CATSPERE: variants seen among roughly 807,000 people sequenced by gnomAD.
CATSPERE encodes cation channel sperm-associated auxiliary subunit epsilon.
In CATSPERE, 93 loss-of-function variants were observed where a neutral mutation model predicts 114.1. The ratio of observed to expected loss-of-function variants is 0.81; its 90% confidence interval spans 0.69 to 0.97. The LOEUF is 0.97. Among genes scored for constraint, CATSPERE ranks in the 50% least tolerant of loss-of-function variants. The probability of loss-of-function intolerance (pLI) is 0.00; values close to 1 mark genes in which losing one functional copy is unlikely to be tolerated. For synonymous variants in CATSPERE, 341 were observed against 384.1 expected (o/e 0.89, Z 1.31); for missense variants, 1,058 against 1,131.6 (o/e 0.93, Z 0.93).
chr1:244,553,187 G>A (rs1051335689), intron 9 of CATSPERE, among the ~76,000 whole-genome samples: 1 of 152,096 alleles, frequency 6.6e-6, no homozygotes, highest in East Asian at 1.9e-4. Flanking sequence ...CAGGGTCTTC[G>A]GGGTATCCGT....
At chr1:244,500,081 T>C (rs1673787415) in intron 7 of CATSPERE, among the ~76,000 whole-genome samples, 1 of 152,246 alleles carries the variant, frequency 6.6e-6, no homozygotes, top group African/African-American at 2.4e-5. Context: ...TTGATTTGCA[T>C]TTCTCTTATG....
Position 244,575,610 on chromosome 1 carries a change from T to A in CATSPERE, c.1950+2838T>A, listed in dbSNP as rs1206164836. The stretch of plus-strand genomic sequence containing the variant: ...CCACTGCCACTCTTCCAGGTGCTAG[T>A]AATCTACAACAATGTGGAGCTGCGC... On this transcript the variant is annotated intron_variant, in intron 11 of 21. Coordinates refer to ENST00000366534, the MANE Select transcript of CATSPERE (RefSeq NM_001130957.2). The surrounding 1 kb of genome is among the most constrained non-coding windows in gnomAD (Gnocchi z 4.5). 6.6e-6 allele frequency among the ~76,000 whole-genome samples: 1 copy of A among 152,180 alleles called. No individual in the cohort carries two copies. The highest frequency in any genetic ancestry group is 2.4e-5 in the African/African-American group (1 of 41,446).
At chr1:244,531,753 G>T (rs551873870) in intron 8 of CATSPERE, among the ~76,000 whole-genome samples, 2 of 152,102 alleles carry the variant, frequency 1.3e-5, no homozygotes, top group African/African-American at 4.8e-5. Context: ...TTAGATTTTT[G>T]CATTAGTCTT....
At chr1:244,608,021 C>T (rs1299913658) in intron 18 of CATSPERE, among the ~76,000 whole-genome samples, 2 of 152,020 alleles carry the variant, frequency 1.3e-5, no homozygotes, top group Non-Finnish European at 2.9e-5. Context: ...ACAGGAGAAT[C>T]GCTTGAACCC....
intron 21 of CATSPERE, among the ~76,000 whole-genome samples, chr1:244,639,408 G>A (rs1675053087): frequency 6.6e-6 from 1 of 152,194 alleles, no homozygotes; most frequent in African/African-American, 2.4e-5. Context: ...ATTTCTAGCT[G>A]GGTGCAGTGG....
At chr1:244,601,370 A>G (rs1211235059) in intron 17 of CATSPERE, among the ~76,000 whole-genome samples, 1 of 152,228 alleles carries the variant, frequency 6.6e-6, no homozygotes, top group African/African-American at 2.4e-5. Flanking sequence ...CATTCAATGA[A>G]AAGAAATAAA....
At chr1:244,561,212 T>A in intron 10 of CATSPERE, 67 bp downstream of exon 10, 2 of 1,153,454 alleles carry the variant, frequency 1.7e-6, no homozygotes, top group Non-Finnish European at 2.5e-6. Context: ...TATAATGATG[T>A]AACACTTTTT....
At position 244,574,192 on chromosome 1, in the gene CATSPERE, G is replaced by A. The variant is rs546223885; in HGVS notation, c.1950+1420G>A. On this transcript the variant is annotated intron_variant, in intron 11 of 21. Transcript: ENST00000366534. ...CAAAGGAAAAAAGGAGGTTGCTTAC[G>A]AAAAGACTTAGAAAAATAATAACAT... Among the ~76,000 whole-genome samples, 8 of 152,238 alleles carry A rather than the reference G, an allele frequency of 5.3e-5. No homozygotes were observed. In the South Asian group the frequency reaches 8.3e-4, roughly 16 times the overall value.
At chr1:244,576,975 A>T (rs10927269) in intron 11 of CATSPERE, among the ~76,000 whole-genome samples, 28,201 of 152,112 alleles carry the variant, frequency 0.19, 3,794 homozygotes, top group East Asian at 0.41. Context: ...TTTCTTTAAA[A>T]TAGGTCCATT....
chr1:244,483,924 G>C (rs1425027949), intron 5 of CATSPERE, among the ~76,000 whole-genome samples: 1 of 151,986 alleles, frequency 6.6e-6, no homozygotes, highest in Non-Finnish European at 1.5e-5. Flanking sequence ...TTTTCTAAAA[G>C]TTTTATATGT....
chr1:244,460,471 A>G (rs940492017), upstream of CATSPERE, among the ~76,000 whole-genome samples: 1 of 152,128 alleles, frequency 6.6e-6, no homozygotes, highest in South Asian at 2.1e-4. Flanking sequence ...CCCCTGACCA[A>G]TCAGCACTCC....
At chr1:244,565,096 G>A (rs1663225600) in intron 10 of CATSPERE, among the ~76,000 whole-genome samples, 1 of 152,212 alleles carries the variant, frequency 6.6e-6, no homozygotes, top group African/African-American at 2.4e-5. Flanking sequence ...CAGAGATGAA[G>A]CCGACTTGAT....
At chr1:244,451,502 G>C (rs1475893448), upstream of CATSPERE, 6 of 1,002,670 alleles carry the variant, frequency 6.0e-6, no homozygotes, top group Non-Finnish European at 8.5e-6. The surrounding 1 kb of genome is among the most constrained non-coding windows in gnomAD (Gnocchi z 6.6). Context: ...CTCAGGACAG[G>C]AGGAGAGAGC....
chr1:244,476,717 T>G (rs1334000195), intron 2 of CATSPERE, among the ~76,000 whole-genome samples: 1 of 152,198 alleles, frequency 6.6e-6, no homozygotes, highest in Non-Finnish European at 1.5e-5. Flanking sequence ...GGATCAGTGT[T>G]AAAACTAAGA....
At chr1:244,582,472 G>T (rs962700773) in intron 12 of CATSPERE, among the ~76,000 whole-genome samples, 33 of 149,792 alleles carry the variant, frequency 2.2e-4, no homozygotes, top group Middle Eastern at 3.4e-3. Context: ...GCATGATCTC[G>T]GCTCACTGCA....
At chr1:244,586,626 C>T (rs531265468) in intron 13 of CATSPERE, among the ~76,000 whole-genome samples, 1 of 152,314 alleles carries the variant, frequency 6.6e-6, no homozygotes, top group South Asian at 2.1e-4. Context: ...GCAGCATCAA[C>T]TCTTTAAGGC....
Position 244,517,541 on chromosome 1 carries a change from G to A in CATSPERE, c.430-1051G>A, listed in dbSNP as rs569908054. Among the ~76,000 whole-genome samples, 90 of 152,040 alleles carry A rather than the reference G, an allele frequency of 5.9e-4. No homozygotes were observed. In the South Asian group the frequency reaches 7.9e-3, roughly 13 times the overall value. On this transcript the variant is annotated intron_variant, in intron 7 of 21. Coordinates refer to ENST00000366534, the MANE Select transcript of CATSPERE (RefSeq NM_001130957.2). ...AATCCCAGCACTTTAGGAGGAGGAG[G>A]TGGGTGGATCACCTGAGGTCAGGAG...
chr1:244,489,594 G>A (rs1671634856), intron 5 of CATSPERE, among the ~76,000 whole-genome samples: 1 of 151,362 alleles, frequency 6.6e-6, no homozygotes. Flanking sequence ...GAAGAGGAAG[G>A]CGGCATGGAA....
chr1:244,553,420 G>T (rs151222547), intron 9 of CATSPERE, among the ~76,000 whole-genome samples: 1 of 151,274 alleles, frequency 6.6e-6, no homozygotes, highest in Non-Finnish European at 1.5e-5. Context: ...GCAGTGGTGG[G>T]TGCCTGTAGG....
Sources: gnomAD v4.1 joint callset for allele counts (sites outside exome capture counted in the v4.1 genomes callset) on GRCh38, gnomAD v4.1.1 for gene constraint, Gnocchi (gnomAD v3.1) non-coding constraint, MANE v1.5 for transcripts, NCBI Gene and HGNC (gene_info 2026-07-23, HGNC 2026-07-21) for gene names.